Variants in HK1 observed in about 807,000 individuals in gnomAD.
HK1 encodes hexokinase 1, also known as hexokinase-1.
Under a neutral mutation model 91.6 loss-of-function variants are expected in HK1, and 28 were observed. The observed-to-expected ratio is 0.31, with a 90% CI of 0.23 to 0.42. HK1 has a LOEUF of 0.42. HK1 is among the 10% of genes least tolerant of loss of function. The pLI is 1.00. For synonymous variants in HK1, 430 were observed against 468.1 expected (o/e 0.92, Z 1.05); for missense variants, 770 against 1,219.8 (o/e 0.63, Z 5.49).
chr10:69,344,986 C>A (rs768712462), intron 2 of HK1, among the ~76,000 whole-genome samples: 1 of 151,594 alleles, frequency 6.6e-6, no homozygotes, highest in Non-Finnish European at 1.5e-5. Context: ...TCCCTGCTCT[C>A]GAGGCTCTTA....
upstream of HK1, among the ~76,000 whole-genome samples, chr10:69,313,780 G>C (rs889940672): frequency 4.1e-4 from 63 of 152,098 alleles, no homozygotes; most frequent in Admixed American, 4.1e-3. Flanking sequence ...CAGGCGTGAG[G>C]CACCGGCCTG....
chr10:69,312,999 T>A (rs771145639), upstream of HK1, among the ~76,000 whole-genome samples: 1 of 152,126 alleles, frequency 6.6e-6, no homozygotes, highest in Non-Finnish European at 1.5e-5. Flanking sequence ...TGAGTGGAGA[T>A]GAACAGGTCA....
chr10:69,322,589 AAAAT>A (rs1188045411), intron 1 of HK1, among the ~76,000 whole-genome samples: 1 of 152,182 alleles, frequency 6.6e-6, no homozygotes, highest in African/African-American at 2.4e-5. Context: ...GCAAGCATTA[AAAAT>A]AAATAAATAA....
chr10:69,303,813 G>A (rs1004472517), intron 5 of HK1, among the ~76,000 whole-genome samples: 2 of 152,170 alleles, frequency 1.3e-5, no homozygotes, highest in Non-Finnish European at 2.9e-5. Flanking sequence ...GGGAGACTGG[G>A]GTTTTACTAT....
At chr10:69,388,302 C>G (rs1305310652) in intron 13 of HK1, among the ~76,000 whole-genome samples, 1 of 152,060 alleles carries the variant, frequency 6.6e-6, no homozygotes, top group Non-Finnish European at 1.5e-5. Context: ...AAAAAATTAG[C>G]CGTCATAGTG....
At chr10:69,375,501 G>A (rs530063048) in intron 7 of HK1, among the ~76,000 whole-genome samples, 22 of 152,236 alleles carry the variant, frequency 1.4e-4, no homozygotes, top group Admixed American at 6.5e-4. Flanking sequence ...GCAGCCAGGC[G>A]GTCACGTCTG....
intron 2 of HK1, among the ~76,000 whole-genome samples, chr10:69,346,174 G>T (rs1166003619): frequency 6.6e-6 from 1 of 152,060 alleles, no homozygotes; most frequent in Admixed American, 6.5e-5. Flanking sequence ...TCAGAATCTG[G>T]GTCTCTTAAT....
chr10:69,394,741 G>C (rs528761824), intron 15 of HK1, among the ~76,000 whole-genome samples: 1 of 152,212 alleles, frequency 6.6e-6, no homozygotes, highest in Non-Finnish European at 1.5e-5. Flanking sequence ...AATGCTGGTG[G>C]TTTTGTTTCT....
At chr10:69,374,562 C>T (rs1040106954) in intron 7 of HK1, among the ~76,000 whole-genome samples, 1 of 152,240 alleles carries the variant, frequency 6.6e-6, no homozygotes, top group African/African-American at 2.4e-5. Flanking sequence ...AGATGGGAAG[C>T]ACGCTGTTGG....
At chr10:69,400,859 C>A in intron 17 of HK1, 132 bp from the exon 18 acceptor site, 1 of 935,524 alleles carries the variant, frequency 1.1e-6, no homozygotes, top group Non-Finnish European at 1.7e-6. Flanking sequence ...TCCTGATAAA[C>A]CCATCACAAA....
chr10:69,381,148 G>C (rs559388296), intron 9 of HK1, among the ~76,000 whole-genome samples: 94 of 152,124 alleles, frequency 6.2e-4, no homozygotes, highest in African/African-American at 2.1e-3. Flanking sequence ...TACACAGCTG[G>C]GTGTGGTGGT....
At chr10:69,299,740 C>A (rs1845757825) in intron 4 of HK1, among the ~76,000 whole-genome samples, 1 of 151,540 alleles carries the variant, frequency 6.6e-6, no homozygotes, top group Non-Finnish European at 1.5e-5. Context: ...CGGCTCACTG[C>A]AACCTCTGGC....
rs141974518 is a variant in HK1 at position 69,369,974 on chromosome 10, G to A, written c.875+350G>A. Among the ~76,000 whole-genome samples the A allele has an allele frequency of 6.6e-6, 1 of 152,148 alleles. No homozygotes were observed. Among genetic ancestry groups the A allele is most frequent in the Non-Finnish European group, 1.5e-5 (1 of 68,036 alleles). On this transcript the variant is annotated intron_variant, in intron 7 of 17. Transcript: ENST00000359426. The surrounding 1 kb of genome is among the most constrained non-coding windows in gnomAD (Gnocchi z 4.4). Reference sequence around the variant, plus strand: ...GCTGGTCTCAAACTCCTGACTTCAAGCGATCTGCCTGCCTCAGCCTCCCAA... The same window carrying A: ...GCTGGTCTCAAACTCCTGACTTCAAACGATCTGCCTGCCTCAGCCTCCCAA...
Position 69,332,814 on chromosome 10 carries a change from A to G in HK1, c.64-11013A>G, listed in dbSNP as rs186326487. 2.7e-3 allele frequency among the ~76,000 whole-genome samples: 413 copies of G among 152,152 alleles called. 3 individuals are homozygous for G. Among genetic ancestry groups the G allele is most frequent in the African/African-American group, 9.5e-3 (393 of 41,506 alleles). On this transcript the variant is annotated intron_variant, in intron 1 of 17. Transcript: ENST00000359426. Reference sequence around the variant, plus strand: ...ACAAATGCCAGGTGTTATCATTGTCACTCACCCAGCTCACACCTGTAGACA... The same window carrying G: ...ACAAATGCCAGGTGTTATCATTGTCGCTCACCCAGCTCACACCTGTAGACA...
At chr10:69,270,309 G>C (rs150453227) in intron 1 of HK1, among the ~76,000 whole-genome samples, 3 of 152,018 alleles carry the variant, frequency 2.0e-5, no homozygotes, top group Non-Finnish European at 4.4e-5. Flanking sequence ...GGCTGGGCGT[G>C]GTGGCTCATG....
At chr10:69,277,130 A>C (rs1844514139) in intron 1 of HK1, among the ~76,000 whole-genome samples, 2 of 152,194 alleles carry the variant, frequency 1.3e-5, no homozygotes, top group South Asian at 4.1e-4. Context: ...GCTGGATATA[A>C]AATTCTAGAT....
chr10:69,326,679 T>G (rs1284484426), intron 1 of HK1, among the ~76,000 whole-genome samples: 2 of 152,182 alleles, frequency 1.3e-5, no homozygotes, highest in Non-Finnish European at 2.9e-5. Flanking sequence ...AAAAGAAGAT[T>G]GAGGTTCACA....
chr10:69,300,785 G>A (rs1447724389), exon 5 of HK1: 1 of 1,592,782 alleles, frequency 6.3e-7, no homozygotes, highest in Non-Finnish European at 8.6e-7. Context: ...TGATGCTCTT[G>A]AGAGCATCAG....
At chr10:69,343,770 C>A in intron 1 of HK1, 57 bp from the exon 2 acceptor site, 1 of 1,428,370 alleles carries the variant, frequency 7.0e-7, no homozygotes, top group Non-Finnish European at 9.9e-7. Flanking sequence ...GTGGGTGCCT[C>A]ACCTTGCCCT....
Sources: allele counts gnomAD v4.1 joint callset (sites outside exome capture counted in the v4.1 genomes callset), GRCh38; gene constraint gnomAD v4.1.1; non-coding constraint Gnocchi (gnomAD v3.1); transcripts MANE v1.5; gene names NCBI Gene and HGNC (gene_info 2026-07-23, HGNC 2026-07-21).